SAMD5: variants seen among roughly 807,000 people sequenced by gnomAD.
SAMD5 encodes sterile alpha motif domain-containing protein 5.
SAMD5 carries 13 observed loss-of-function variants against 11.3 expected under a neutral mutation model. The ratio of observed to expected loss-of-function variants is 1.15; its 90% CI spans 0.75 to 1.83. The LOEUF is 1.83. Among genes scored for constraint, SAMD5 ranks in the 40% most tolerant of loss-of-function variants. The pLI is 0.00. For synonymous variants in SAMD5, 129 were observed against 111.3 expected (o/e 1.16, Z -1.00); for missense variants, 255 against 239.1 (o/e 1.07, Z -0.44).
chr6:147,880,308 C>T, the SAMD5 span, among the ~76,000 whole-genome samples: 4 of 152,080 alleles, frequency 2.6e-5, no homozygotes, highest in African/African-American at 9.7e-5. Context: ...CATTGTCTCT[C>T]TGTTGCTCTT....
rs1365673296 is a variant in SAMD5 at position 147,509,161 on chromosome 6, C to T, written c.233C>T (p.Pro78Leu). Residue 78 changes from proline (P) to leucine (L), a missense_variant, in exon 1 of 2, where the codon CCG becomes CTG. Transcript: ENST00000367474. ...GCCGGCCTCTACTTCACGCTTGAGC[C>T]GCAGCCGGCGCCCCCCGGGCCGCCC... ...NAAGLYFTLE[P>L]QPAPPGPPAD... 3 of 1,380,550 alleles carry T rather than the reference C, an allele frequency of 2.2e-6. No homozygotes were observed. The highest frequency in any genetic ancestry group is 3.1e-5 in the East Asian group (1 of 32,490). 85.5% of individuals were successfully genotyped at this position (1,380,550 alleles called of 1,614,324 possible). A position where few individuals can be genotyped will look rare whatever the true frequency, so the allele number is the denominator to read the frequency against.
intron 1 of SAMD5, among the ~76,000 whole-genome samples, chr6:147,643,439 T>G (rs542779745): frequency 1.3e-5 from 2 of 152,230 alleles, no homozygotes; most frequent in South Asian, 4.1e-4. Flanking sequence ...TGTGTAGTAG[T>G]TCTATTCCTT....
Position 147,567,880 on chromosome 6 carries a change from A to G in SAMD5, c.*3424A>G. On this transcript the variant is annotated 3_prime_UTR_variant, in exon 2 of 2. Transcript: ENST00000367474. ...TGAAAAGAATTTGATTTAAGGAAAC[A>G]ATAACACTCCATCCTGGGCAACAGA... The G allele has an allele frequency of 7.1e-6, 7 of 985,498 alleles. No homozygotes were observed. The highest frequency in any genetic ancestry group is 8.4e-6 in the Non-Finnish European group (7 of 829,988). The allele number at this position is 985,498 out of a possible 1,614,324, so 61.0% of individuals were successfully genotyped here. A position where few individuals can be genotyped will look rare whatever the true frequency, so the allele number is the denominator to read the frequency against.
At chr6:147,554,792 G>T (rs1398106776) in intron 1 of SAMD5, among the ~76,000 whole-genome samples, 1 of 152,198 alleles carries the variant, frequency 6.6e-6, no homozygotes, top group Non-Finnish European at 1.5e-5. Context: ...TGATGACTTG[G>T]TTGGACGCTT....
chr6:147,608,066 G>A (rs1203100017), intron 1 of SAMD5, among the ~76,000 whole-genome samples: 1 of 152,126 alleles, frequency 6.6e-6, no homozygotes, highest in Non-Finnish European at 1.5e-5. Context: ...TCAGAGAAAT[G>A]CAAATCAAAA....
At chr6:147,894,969 C>T in the SAMD5 span, among the ~76,000 whole-genome samples, 3 of 152,188 alleles carry the variant, frequency 2.0e-5, no homozygotes, top group Admixed American at 2.0e-4. Context: ...ATCAGATTTG[C>T]TCAAGGCAAA....
the SAMD5 span, among the ~76,000 whole-genome samples, chr6:147,950,660 A>T: frequency 6.6e-6 from 1 of 152,142 alleles, no homozygotes; most frequent in Non-Finnish European, 1.5e-5. Context: ...TCCCCAAAGC[A>T]GCAGGGTAAG....
chr6:147,767,339 C>T, the SAMD5 span, among the ~76,000 whole-genome samples: 1 of 149,912 alleles, frequency 6.7e-6, no homozygotes, highest in South Asian at 2.1e-4. Context: ...AAATCTCCCT[C>T]TAGAGCTGGA....
At chr6:147,574,340 A>G (rs1179267901), downstream of SAMD5, among the ~76,000 whole-genome samples, 1 of 152,214 alleles carries the variant, frequency 6.6e-6, no homozygotes, top group African/African-American at 2.4e-5. Context: ...TACCCAATGT[A>G]ACACAGCCAG....
chr6:147,827,419 G>A, the SAMD5 span, among the ~76,000 whole-genome samples: 6 of 151,018 alleles, frequency 4.0e-5, 1 homozygote, highest in South Asian at 1.3e-3. Context: ...ACAAGGAATG[G>A]GCGAAAAAAA....
At chr6:147,729,025 G>C (rs1483206289) in intron 1 of SAMD5, among the ~76,000 whole-genome samples, 2 of 152,166 alleles carry the variant, frequency 1.3e-5, no homozygotes, top group Non-Finnish European at 2.9e-5. Flanking sequence ...TCGCAGTTCT[G>C]GAGGTGGGAA....
chr6:147,638,384 T>C (rs1297356021), intron 1 of SAMD5, among the ~76,000 whole-genome samples: 1 of 152,326 alleles, frequency 6.6e-6, no homozygotes, highest in African/African-American at 2.4e-5. Flanking sequence ...TGCCTAAATA[T>C]ATACTTTGGC....
chr6:147,763,039 C>T, the SAMD5 span, among the ~76,000 whole-genome samples: 1 of 152,078 alleles, frequency 6.6e-6, no homozygotes, highest in Non-Finnish European at 1.5e-5. Flanking sequence ...GAAATAAATA[C>T]ACAACACATA....
chr6:147,511,865 T>C (rs982832265), intron 1 of SAMD5, among the ~76,000 whole-genome samples: 2 of 152,224 alleles, frequency 1.3e-5, no homozygotes, highest in Non-Finnish European at 2.9e-5. Flanking sequence ...AGTTTCTTCA[T>C]GAGCAGTGCT....
chr6:147,544,174 A>G (rs1373005255), intron 1 of SAMD5, among the ~76,000 whole-genome samples: 1 of 152,244 alleles, frequency 6.6e-6, no homozygotes, highest in Admixed American at 6.5e-5. Flanking sequence ...CTTGCATTGC[A>G]TGATCAGCTG....
the SAMD5 span, among the ~76,000 whole-genome samples, chr6:147,805,129 G>C: frequency 6.6e-6 from 1 of 152,208 alleles, no homozygotes; most frequent in Admixed American, 6.5e-5. Flanking sequence ...AGGAGAATCA[G>C]TTGTATGTAG....
chr6:147,609,508 C>T (rs1789749917), intron 1 of SAMD5, among the ~76,000 whole-genome samples: 1 of 152,128 alleles, frequency 6.6e-6, no homozygotes, highest in Non-Finnish European at 1.5e-5. Flanking sequence ...ACATTATTTC[C>T]CATCACTACT....
intron 1 of SAMD5, among the ~76,000 whole-genome samples, chr6:147,516,221 T>G (rs1455522040): frequency 6.6e-6 from 1 of 152,238 alleles, no homozygotes; most frequent in African/African-American, 2.4e-5. Flanking sequence ...AAGAGCAATG[T>G]GCTGAGAACC....
At chr6:147,588,777 T>C (rs1789412623) in intron 1 of SAMD5, among the ~76,000 whole-genome samples, 1 of 152,150 alleles carries the variant, frequency 6.6e-6, no homozygotes, top group Admixed American at 6.5e-5. Context: ...TAAGGATCAC[T>C]TAACTTACGG....
Sources: gnomAD v4.1 joint callset for allele counts (sites outside exome capture counted in the v4.1 genomes callset) on GRCh38, gnomAD v4.1.1 for gene constraint, MANE v1.5 for transcripts, NCBI Gene and HGNC (gene_info 2026-07-23, HGNC 2026-07-21) for gene names.